SLC12A7: variants seen among roughly 807,000 people sequenced by gnomAD.
SLC12A7 encodes solute carrier family 12 member 7, also known as K-Cl cotransporter 4.
SLC12A7 carries 100 observed loss-of-function variants against 120.6 expected under a neutral mutation model. That is an observed-to-expected ratio of 0.83 (90% confidence interval 0.71 to 0.98). The LOEUF (loss-of-function observed/expected upper bound fraction) is 0.98. Ranked by LOEUF, SLC12A7 falls within the 50% of genes least tolerant of loss-of-function variation. The pLI is 0.00. For synonymous variants in SLC12A7, 760 were observed against 678.0 expected (o/e 1.12, Z -1.88); for missense variants, 1,373 against 1,548.1 (o/e 0.89, Z 1.90).
chr5:1,078,081 C>G, intron 11 of SLC12A7, 74 bp from the exon 12 acceptor site: 1 of 1,479,122 alleles, frequency 6.8e-7, no homozygotes, highest in Non-Finnish European at 9.0e-7. Context: ...CTTCTCCCAC[C>G]CAGAGCGAGG....
intron 1 of SLC12A7, among the ~76,000 whole-genome samples, chr5:1,098,897 G>T (rs1313466613): frequency 6.6e-6 from 1 of 151,874 alleles, no homozygotes; most frequent in Non-Finnish European, 1.5e-5. Context: ...CTCTGGCCGA[G>T]CCCTGCCTGT....
intron 20 of SLC12A7, among the ~76,000 whole-genome samples, chr5:1,062,070 G>A (rs1736353191): frequency 6.6e-6 from 1 of 152,220 alleles, no homozygotes; most frequent in African/African-American, 2.4e-5. Context: ...CAGAGACATG[G>A]CTGGGAGCAT....
intron 21 of SLC12A7, among the ~76,000 whole-genome samples, chr5:1,058,853 A>C (rs1735894237): frequency 6.6e-6 from 1 of 151,244 alleles, no homozygotes; most frequent in Non-Finnish European, 1.5e-5. Flanking sequence ...AAGTCACTAG[A>C]GGGTGTCCAC....
the SLC12A7 span, among the ~76,000 whole-genome samples, chr5:1,148,230 G>A: frequency 1.2e-4 from 11 of 90,666 alleles, no homozygotes; most frequent in African/African-American, 3.8e-4. Flanking sequence ...TTTTTGAGAT[G>A]GCGTCTCGCT....
At chr5:1,066,003 G>T (rs1338326797) in intron 17 of SLC12A7, among the ~76,000 whole-genome samples, 4 of 152,148 alleles carry the variant, frequency 2.6e-5, no homozygotes, top group Admixed American at 2.6e-4. Context: ...TCTCTTCCCA[G>T]GGGTGTCTGA....
upstream of SLC12A7, among the ~76,000 whole-genome samples, chr5:1,115,429 C>T (rs1408498818): frequency 2.0e-5 from 3 of 152,236 alleles, no homozygotes; most frequent in African/African-American, 7.2e-5. Flanking sequence ...AGGCTGCCTC[C>T]AGGTATCTGT....
At chr5:1,145,479 C>G in the SLC12A7 span, among the ~76,000 whole-genome samples, 1 of 152,238 alleles carries the variant, frequency 6.6e-6, no homozygotes, top group Non-Finnish European at 1.5e-5. The surrounding 1 kb of genome is among the most constrained non-coding windows in gnomAD (Gnocchi z 4.4). Flanking sequence ...AGCGGCCAGG[C>G]TTGCTGCCCC....
intron 20 of SLC12A7, among the ~76,000 whole-genome samples, chr5:1,061,078 C>T (rs1393477249): frequency 5.4e-5 from 5 of 93,380 alleles, no homozygotes; most frequent in Admixed American, 4.3e-4. Flanking sequence ...CCGCACCTGC[C>T]GCATCCGCCA....
chr5:1,099,780 G>T (rs1195025242), intron 1 of SLC12A7, among the ~76,000 whole-genome samples: 1 of 152,144 alleles, frequency 6.6e-6, no homozygotes, highest in Non-Finnish European at 1.5e-5. Flanking sequence ...CCAAGCTCAT[G>T]GTCTCCCCAA....
intron 18 of SLC12A7, among the ~76,000 whole-genome samples, chr5:1,065,064 GAGGGGACAGCA>G (rs1736866875): frequency 1.4e-5 from 2 of 141,552 alleles, no homozygotes; most frequent in South Asian, 2.4e-4. Flanking sequence ...GGGGGACAGT[GAGGGGACAGCA>G]AGGGGACACT....
chr5:1,114,588 C>CT (rs1743241635), upstream of SLC12A7, among the ~76,000 whole-genome samples: 1 of 152,196 alleles, frequency 6.6e-6, no homozygotes, highest in South Asian at 2.1e-4. Context: ...CTCCATCCCT[C>CT]TGTCCTTTTC....
At chr5:1,135,481 C>A in the SLC12A7 span, among the ~76,000 whole-genome samples, 3 of 152,188 alleles carry the variant, frequency 2.0e-5, no homozygotes, top group African/African-American at 7.2e-5. Flanking sequence ...ATGTCACCTG[C>A]GGCCCTCGTC....
At chr5:1,086,371 T>C (rs1739859961) in intron 6 of SLC12A7, among the ~76,000 whole-genome samples, 1 of 151,814 alleles carries the variant, frequency 6.6e-6, no homozygotes, top group Non-Finnish European at 1.5e-5. Flanking sequence ...AGAAGGGCGG[T>C]TCCCGTCCCC....
Position 1,086,775 on chromosome 5 carries a change from G to A in SLC12A7, c.675+128C>T, listed in dbSNP as rs1739904496. 2.3e-6 allele frequency: 3 copies of A among 1,296,062 alleles called. No homozygotes were observed. In the Admixed American group the frequency reaches 6.7e-5, roughly 29 times the overall value. The allele number at this position is 1,296,062 out of a possible 1,614,324, so 80.3% of individuals were successfully genotyped here. A position where few individuals can be genotyped will look rare whatever the true frequency, so the allele number is the denominator to read the frequency against. On this transcript the variant is annotated intron_variant, in intron 6 of 23. Coordinates refer to ENST00000264930, the MANE Select transcript of SLC12A7 (RefSeq NM_006598.3). ...ATGGCCAGAGCCCAGGAGAGCCCAG[G>A]GGCAGCCAGGGCAGTGGGGTCAGGA...
At chr5:1,067,510 C>T (rs986585821) in intron 17 of SLC12A7, among the ~76,000 whole-genome samples, 10 of 152,232 alleles carry the variant, frequency 6.6e-5, no homozygotes, top group African/African-American at 2.4e-4. Flanking sequence ...TCTTGTGCCC[C>T]GATCTGGCCG....
chr5:1,056,623 T>C (rs1193920007), intron 22 of SLC12A7: 1 of 982,454 alleles, frequency 1.0e-6, no homozygotes, highest in Non-Finnish European at 1.2e-6. Flanking sequence ...AACAAGAGTG[T>C]GTTACTGACT....
Position 1,081,741 on chromosome 5 carries a change from T to C in SLC12A7, c.1133A>G (p.Asn378Ser), listed in dbSNP as rs1044232053. 6.2e-7 allele frequency: 1 copy of C among 1,610,764 alleles called. No individual in the cohort carries two copies. Among genetic ancestry groups the C allele is most frequent in the East Asian group, 2.2e-5 (1 of 44,776 alleles). Residue 378 changes from asparagine to serine, a missense_variant, in exon 9 of 24, where the codon AAC becomes AGC. Physicochemically the swap from Asn to Ser is conservative, Grantham distance 46. Transcript: ENST00000264930. ...PGAASGVFLENLWSTYAHAGA... is the reference protein window; with the variant it reads ...PGAASGVFLESLWSTYAHAGA... ...CGCGTGCGCGTACGTACTCCACAGGTTCTCTGCCGGGCAAGGAAGATCCCA... is the reference window on the plus strand; with the variant it reads ...CGCGTGCGCGTACGTACTCCACAGGCTCTCTGCCGGGCAAGGAAGATCCCA...
chr5:1,097,272 G>A (rs752025733), intron 1 of SLC12A7, among the ~76,000 whole-genome samples: 1 of 152,082 alleles, frequency 6.6e-6, no homozygotes, highest in Non-Finnish European at 1.5e-5. Flanking sequence ...TCAAACCAAG[G>A]GGACCAACAT....
At position 1,085,408 on chromosome 5, in the gene SLC12A7, C is replaced by G. The variant is rs1561079212; in HGVS notation, c.741G>C (p.Met247Ile). ...TGCCGTACACACGCATGTTGTGCAG[C>G]ATGGCGGCCGCCTCGCCACCTGCAG... ...AEAAGGEAAA[M>I]LHNMRVYGTC... is the part of the protein sequence containing the mutation. Residue 247 changes from methionine (M) to isoleucine (I), a missense_variant, in exon 7 of 24, where the codon ATG becomes ATC. Physicochemically the swap from Met to Ile is conservative, Grantham distance 10. Transcript: ENST00000264930. 2 of 1,610,380 alleles carry G rather than the reference C, an allele frequency of 1.2e-6. No individual in the cohort carries two copies. Among genetic ancestry groups the G allele is most frequent in the Non-Finnish European group, 8.5e-7 (1 of 1,179,004 alleles).
Sources: allele counts gnomAD v4.1 joint callset (sites outside exome capture counted in the v4.1 genomes callset), GRCh38; gene constraint gnomAD v4.1.1; non-coding constraint Gnocchi (gnomAD v3.1); transcripts MANE v1.5; gene names NCBI Gene and HGNC (gene_info 2026-07-23, HGNC 2026-07-21).